CUX1: variants seen among roughly 807,000 people sequenced by gnomAD.
CUX1 encodes the protein protein CASP.
Under a neutral mutation model 158.8 loss-of-function variants are expected in CUX1, and 31 were observed. That is an observed-to-expected ratio of 0.20 (90% CI 0.15 to 0.26). CUX1 has a LOEUF of 0.26. Ranked by LOEUF, CUX1 falls within the 10% of genes least tolerant of loss-of-function variation. CUX1 has a pLI of 1.00. For synonymous variants in CUX1, 879 were observed against 862.1 expected, an observed-to-expected ratio of 1.02 and a Z score of -0.34; for missense variants, 1,589 against 2,014.6, an observed-to-expected ratio of 0.79 and a Z score of 4.04.
intron 18 of CUX1, chr7:102,278,100 AC>A: frequency 6.7e-7 from 1 of 1,496,104 alleles, no homozygotes; most frequent in Non-Finnish European, 9.3e-7. Context: ...CTCCAGGTGG[AC>A]CAGGCAGGGA....
Position 102,250,074 on chromosome 7 carries a change from A to G in CUX1, c.*1032A>G, listed in dbSNP as rs1801337430. On this transcript the variant is annotated 3_prime_UTR_variant, in exon 24 of 24. Transcript: ENST00000292535. ...AAAGAAAAAAAAAGAAAAAAAAAAA[A>G]GAAAAGATCCGAATCTAGGTATTTT... 1.0e-6 allele frequency: 1 copy of G among 982,456 alleles called. No homozygotes were observed. The allele number at this position is 982,456 out of a possible 1,614,324, so 60.9% of individuals were successfully genotyped here.
chr7:102,069,974 A>G (rs2130568488), intron 3 of CUX1, among the ~76,000 whole-genome samples: 1 of 152,294 alleles, frequency 6.6e-6, no homozygotes, highest in Middle Eastern at 3.4e-3. Flanking sequence ...GGGGGTAGGA[A>G]CTGTCTCTTC....
intron 2 of CUX1, among the ~76,000 whole-genome samples, chr7:101,996,317 G>C (rs1815878893): frequency 3.3e-5 from 5 of 151,048 alleles, no homozygotes; most frequent in Admixed American, 3.3e-4. Flanking sequence ...AGGACAGAAG[G>C]CTCCCCAGAG....
chr7:102,200,000 A>C (rs1795243174), intron 16 of CUX1, 71 bp from the exon 17 acceptor site: 1 of 1,314,524 alleles, frequency 7.6e-7, no homozygotes, highest in Non-Finnish European at 1.1e-6. Flanking sequence ...TATCAGAATG[A>C]CGTCTTCGCG....
rs954837014 is a variant in CUX1, at chr7:102,084,669, C to T, written c.269-12695C>T. Among the ~76,000 whole-genome samples the T allele has an allele frequency of 1.5e-4, 18 of 123,110 alleles. 1 individual carries two copies. The highest frequency in any genetic ancestry group is 2.6e-4 in the African/African-American group (10 of 39,022). The allele number at this position is 123,110 out of a possible 152,430, so 80.8% of individuals were successfully genotyped here. Reference sequence around the variant, plus strand: ...TGAACTCCTGACCTCGTGATCTACCCGCCTTGGCCTCCCAAAGTACTGGGA... The same window carrying T: ...TGAACTCCTGACCTCGTGATCTACCTGCCTTGGCCTCCCAAAGTACTGGGA... On this transcript the variant is annotated intron_variant, in intron 4 of 23. Coordinates refer to ENST00000292535, the MANE Select transcript of CUX1 (RefSeq NM_181552.4).
chr7:101,998,558 G>A (rs1232753573), intron 2 of CUX1, among the ~76,000 whole-genome samples: 1 of 152,216 alleles, frequency 6.6e-6, no homozygotes, highest in Non-Finnish European at 1.5e-5. Context: ...CGACCTGTTT[G>A]GGGGAGAAGT....
rs199857284 is a variant in CUX1 at position 101,950,416 on chromosome 7, T to TA, written c.141+34201dup. Among the ~76,000 whole-genome samples the TA allele has an allele frequency of 6.6e-3, 1,002 of 150,682 alleles. 9 individuals carry two copies. Among genetic ancestry groups the TA allele is most frequent in the African/African-American group, 0.023 (933 of 41,150 alleles). On this transcript the variant is annotated intron_variant, in intron 2 of 23. Coordinates refer to ENST00000292535, the MANE Select transcript of CUX1 (RefSeq NM_181552.4). Reference sequence around the variant, plus strand: ...CATTGCCCATAGTTTGTTGTTTTTTTAAAAAAAAAATTGTAGTAAAATACA... The same window carrying TA: ...CATTGCCCATAGTTTGTTGTTTTTTTAAAAAAAAAAATTGTAGTAAAATACA...
At chr7:102,043,211 A>G (rs1368130591) in intron 3 of CUX1, among the ~76,000 whole-genome samples, 1 of 152,076 alleles carries the variant, frequency 6.6e-6, no homozygotes, top group Non-Finnish European at 1.5e-5. Context: ...TCATTCTCCC[A>G]AAGTGGTGGG....
At chr7:102,010,837 G>A (rs144836781) in intron 2 of CUX1, among the ~76,000 whole-genome samples, 168 of 152,250 alleles carry the variant, frequency 1.1e-3, no homozygotes, top group Middle Eastern at 0.01. Context: ...TTGGCCAGGC[G>A]TGGTGGCTCA....
chr7:101,978,439 C>G (rs1213569117), intron 2 of CUX1, among the ~76,000 whole-genome samples: 1 of 152,268 alleles, frequency 6.6e-6, no homozygotes, highest in Non-Finnish European at 1.5e-5. Flanking sequence ...CGTCCTTCCT[C>G]CTGGATACAC....
intron 4 of CUX1, among the ~76,000 whole-genome samples, chr7:102,085,104 C>T (rs782546165): frequency 9.9e-5 from 15 of 151,846 alleles, no homozygotes; most frequent in African/African-American, 1.5e-4. Flanking sequence ...ATATTGTTTT[C>T]GGCATCTTTC....
At chr7:102,085,993 G>T (rs1193333131) in intron 4 of CUX1, among the ~76,000 whole-genome samples, 2 of 151,992 alleles carry the variant, frequency 1.3e-5, no homozygotes, top group Non-Finnish European at 2.9e-5. Flanking sequence ...GTCAGTTTTG[G>T]TAATTTGGAA....
In CUX1 at chr7:102,158,649, C is replaced by A. The variant is rs781827117; in HGVS notation, c.723+41C>A. On this transcript the variant is annotated intron_variant, in intron 9 of 23. Coordinates refer to ENST00000292535, the MANE Select transcript of CUX1 (RefSeq NM_181552.4). ...CTTTTAGTCCTAAAACCCACAATAG[C>A]GGGCCCGTTTCTGGCATCTCGGAAG... is the stretch of plus-strand genomic sequence containing the variant. 1.9e-6 allele frequency: 3 copies of A among 1,596,348 alleles called. No individual in the cohort carries two copies. In the East Asian group the frequency reaches 6.7e-5, roughly 36 times the overall value.
chr7:102,142,003 T>C (rs1239774114), intron 8 of CUX1, among the ~76,000 whole-genome samples: 2 of 151,988 alleles, frequency 1.3e-5, no homozygotes, highest in Non-Finnish European at 2.9e-5. Context: ...TAGAAACCCT[T>C]GTACTTGGGA....
At chr7:101,903,445 G>A (rs1802379375) in intron 1 of CUX1, among the ~76,000 whole-genome samples, 1 of 152,184 alleles carries the variant, frequency 6.6e-6, no homozygotes, top group South Asian at 2.1e-4. Flanking sequence ...GTGCCTACAA[G>A]GCTGAGCCTG....
chr7:102,180,929 T>G lies in CUX1; in HGVS notation c.1017+2272T>G, dbSNP rs541557212. Among the ~76,000 whole-genome samples, 383 of 145,642 alleles carry G rather than the reference T, an allele frequency of 2.6e-3. 2 individuals carry two copies. Among genetic ancestry groups the G allele is most frequent in the African/African-American group, 8.9e-3 (330 of 37,282 alleles). Reference sequence around the variant, plus strand: ...TTATTTTATTTTATTGTATTTTATTTTATTTTATTTTATTTTATTTTATTT... The same window carrying G: ...TTATTTTATTTTATTGTATTTTATTGTATTTTATTTTATTTTATTTTATTT... On this transcript the variant is annotated intron_variant, in intron 11 of 23. Transcript: ENST00000292535.
intron 9 of CUX1, among the ~76,000 whole-genome samples, chr7:102,169,063 A>G (rs2131672695): frequency 6.6e-6 from 1 of 151,448 alleles, no homozygotes; most frequent in South Asian, 2.1e-4. Context: ...TCTCCCGAGT[A>G]GCTGGGATTA....
intron 22 of CUX1, among the ~76,000 whole-genome samples, chr7:102,234,757 T>TA (rs34652160): frequency 0.032 from 3,490 of 109,546 alleles, 72 homozygotes; most frequent in Non-Finnish European, 0.043. Flanking sequence ...CCCTCACTAC[T>TA]AAAAAAAAAA....
chr7:101,939,694 G>A (rs1286870192), intron 2 of CUX1, among the ~76,000 whole-genome samples: 1 of 152,068 alleles, frequency 6.6e-6, no homozygotes, highest in Admixed American at 6.5e-5. Context: ...ATTATTGGTG[G>A]TGGTTGCCTG....
Sources: allele counts gnomAD v4.1 joint callset (sites outside exome capture counted in the v4.1 genomes callset), GRCh38; gene constraint gnomAD v4.1.1; transcripts MANE v1.5; gene names NCBI Gene and HGNC (gene_info 2026-07-23, HGNC 2026-07-21).